KCNH5: variants seen among roughly 807,000 people sequenced by gnomAD.
KCNH5 encodes voltage-gated delayed rectifier potassium channel KCNH5.
A neutral mutation model predicts 96.1 loss-of-function variants in KCNH5; 46 were observed. The ratio of observed to expected loss-of-function variants is 0.48; its 90% CI spans 0.38 to 0.61. The LOEUF (loss-of-function observed/expected upper bound fraction) is 0.61. Among genes scored for constraint, KCNH5 ranks in the 20% least tolerant of loss-of-function variants. The pLI is 0.00. For synonymous variants in KCNH5, 439 were observed against 449.8 expected (o/e 0.98, Z 0.30); for missense variants, 907 against 1,225.8 (o/e 0.74, Z 3.88).
intron 10 of KCNH5, among the ~76,000 whole-genome samples, chr14:62,717,058 G>C (rs1314910401): frequency 1.3e-5 from 2 of 152,008 alleles, no homozygotes; most frequent in Non-Finnish European, 1.5e-5. Flanking sequence ...GCTTCAAGGA[G>C]AATAAAAGGA....
At chr14:62,829,030 A>C (rs913113048) in intron 8 of KCNH5, among the ~76,000 whole-genome samples, 6 of 152,158 alleles carry the variant, frequency 3.9e-5, no homozygotes, top group Non-Finnish European at 7.3e-5. Flanking sequence ...TGAAGTCTGA[A>C]GTTCAGTAGG....
intron 7 of KCNH5, among the ~76,000 whole-genome samples, chr14:62,913,819 T>C (rs1255278864): frequency 6.6e-6 from 1 of 152,186 alleles, no homozygotes; most frequent in Non-Finnish European, 1.5e-5. Context: ...AGGGCAGTAA[T>C]ACACCCCTGA....
chr14:62,972,115 C>A (rs1314576415), intron 6 of KCNH5, among the ~76,000 whole-genome samples: 1 of 151,986 alleles, frequency 6.6e-6, no homozygotes, highest in African/African-American at 2.4e-5. Flanking sequence ...TAATAAAGTA[C>A]TATCATCTAA....
At chr14:62,787,004 G>T (rs1035170137) in intron 9 of KCNH5, among the ~76,000 whole-genome samples, 1 of 152,048 alleles carries the variant, frequency 6.6e-6, no homozygotes, top group Non-Finnish European at 1.5e-5. Flanking sequence ...CCTTAAAATG[G>T]CTTCCAAGTG....
At chr14:62,928,620 C>A (rs1474228832) in intron 7 of KCNH5, among the ~76,000 whole-genome samples, 4 of 152,030 alleles carry the variant, frequency 2.6e-5, no homozygotes, top group Non-Finnish European at 5.9e-5. Flanking sequence ...TACATCAAAT[C>A]TGCTAAAGGT....
intron 9 of KCNH5, among the ~76,000 whole-genome samples, chr14:62,796,536 G>A (rs1329332210): frequency 6.6e-6 from 1 of 152,164 alleles, no homozygotes; most frequent in Non-Finnish European, 1.5e-5. Flanking sequence ...GATAGAGATT[G>A]TCTTAGTTTA....
At chr14:62,932,869 C>A (rs1421933647) in intron 7 of KCNH5, among the ~76,000 whole-genome samples, 1 of 152,144 alleles carries the variant, frequency 6.6e-6, no homozygotes, top group East Asian at 1.9e-4. Context: ...ACCTTTAAAT[C>A]TCTACCCAGA....
rs144177345 is a variant in KCNH5, at chr14:62,833,629, A to G, written c.1569+16024T>C. ...GTTATTTGGAGTCCTTTGGGGTTCC[A>G]TCGTTTTTTCTACTCTTATTTTAAA... On this transcript the variant is annotated intron_variant, in intron 8 of 10. Coordinates refer to ENST00000322893, the MANE Select transcript of KCNH5 (RefSeq NM_139318.5). Among the ~76,000 whole-genome samples the G allele has an allele frequency of 6.3e-3, 964 of 152,086 alleles. 8 individuals carry two copies. Among genetic ancestry groups the G allele is most frequent in the African/African-American group, 0.022 (918 of 41,554 alleles).
intron 7 of KCNH5, among the ~76,000 whole-genome samples, chr14:62,868,339 A>G (rs1282021750): frequency 1.3e-5 from 2 of 152,198 alleles, no homozygotes. Context: ...CAATTCATAA[A>G]TTCTCCAAGG....
chr14:63,030,641 G>A (rs943437204), intron 1 of KCNH5, among the ~76,000 whole-genome samples: 4 of 152,104 alleles, frequency 2.6e-5, no homozygotes, highest in Non-Finnish European at 4.4e-5. Flanking sequence ...TGTTTTAATT[G>A]GTCTTGAGTA....
At chr14:62,747,939 A>G (rs1372131191) in intron 10 of KCNH5, among the ~76,000 whole-genome samples, 1 of 152,192 alleles carries the variant, frequency 6.6e-6, no homozygotes, top group Non-Finnish European at 1.5e-5. Flanking sequence ...AGGCAAGTGT[A>G]GAAGTGTTTA....
At position 63,001,312 on chromosome 14, in the gene KCNH5, T is replaced by C. The variant is rs1245736273; in HGVS notation, c.433+19A>G. On this transcript the variant is annotated intron_variant, in intron 4 of 10. Coordinates refer to ENST00000322893, the MANE Select transcript of KCNH5 (RefSeq NM_139318.5). ...GCAACAGCCTAATTTTTCAGTGTAG[T>C]AATTCTTTTGAAAATTACCTTTTGT... 2 of 1,591,412 alleles carry C rather than the reference T, an allele frequency of 1.3e-6. No individual in the cohort carries two copies. The highest frequency in any genetic ancestry group is 8.5e-7 in the Non-Finnish European group (1 of 1,169,656).
intron 10 of KCNH5, among the ~76,000 whole-genome samples, chr14:62,726,414 A>T (rs1884926555): frequency 6.6e-6 from 1 of 152,196 alleles, no homozygotes; most frequent in African/African-American, 2.4e-5. Context: ...AAAAACTCAT[A>T]TCCAGAATCT....
intron 8 of KCNH5, among the ~76,000 whole-genome samples, chr14:62,809,953 T>A (rs1886840333): frequency 6.6e-6 from 1 of 152,090 alleles, no homozygotes. Context: ...GTATTCTAAT[T>A]CTGGGCATAT....
rs1884436198 is a variant in KCNH5, at chr14:62,706,534, T to C, written c.*974A>G. ...TTACATTCTTTTTTATTTTATACCA[T>C]AATAGTTAGCATTTTGATATGATTA... On this transcript the variant is annotated 3_prime_UTR_variant, in exon 11 of 11. Coordinates refer to ENST00000322893, the MANE Select transcript of KCNH5 (RefSeq NM_139318.5). 1.3e-5 allele frequency: 2 copies of C among 152,162 alleles called. No individual in the cohort carries two copies. The highest frequency in any genetic ancestry group is 2.1e-4 in the South Asian group (1 of 4,832). The allele number at this position is 152,162 out of a possible 1,614,324, so 9.4% of individuals were successfully genotyped here. A position where few individuals can be genotyped will look rare whatever the true frequency, so the allele number is the denominator to read the frequency against.
intron 7 of KCNH5, among the ~76,000 whole-genome samples, chr14:62,890,567 C>T (rs1356889210): frequency 2.6e-5 from 4 of 151,394 alleles, no homozygotes; most frequent in African/African-American, 9.7e-5. Context: ...GGCGTGGTGG[C>T]AGGCGCCTGT....
chr14:62,907,138 A>C (rs920945319), intron 7 of KCNH5, among the ~76,000 whole-genome samples: 2 of 152,188 alleles, frequency 1.3e-5, no homozygotes, highest in African/African-American at 4.8e-5. Flanking sequence ...TCTTTATTAA[A>C]TTCTGCTGCT....
chr14:62,748,643 T>C (rs1885429746), intron 10 of KCNH5, among the ~76,000 whole-genome samples: 1 of 152,096 alleles, frequency 6.6e-6, no homozygotes, highest in Admixed American at 6.5e-5. Context: ...TCAGGCTGAA[T>C]AGGGGTGATG....
intron 7 of KCNH5, 127 bp downstream of exon 7, chr14:62,950,005 AC>A (rs1341420801): frequency 7.7e-5 from 57 of 739,294 alleles, no homozygotes; most frequent in East Asian, 5.1e-4. Context: ...ATTAAAAAAA[AC>A]AATTGCAAAT....
Sources: allele counts gnomAD v4.1 joint callset (sites outside exome capture counted in the v4.1 genomes callset), GRCh38; gene constraint gnomAD v4.1.1; transcripts MANE v1.5; gene names NCBI Gene and HGNC (gene_info 2026-07-23, HGNC 2026-07-21).